MEGF11: variants seen among roughly 807,000 people sequenced by gnomAD.
MEGF11 encodes the protein multiple EGF like domains 11.
In MEGF11, 126 loss-of-function variants were observed where a neutral mutation model predicts 146.6. That is an observed-to-expected ratio of 0.86 (90% confidence interval 0.74 to 1.00). The LOEUF (loss-of-function observed/expected upper bound fraction) is 1.00. MEGF11 is among the 50% of genes least tolerant of loss of function. The pLI, the probability that MEGF11 is intolerant of heterozygous loss-of-function variation, is 0.00. For synonymous variants in MEGF11, 532 were observed against 583.4 expected (o/e 0.91, Z 1.27); for missense variants, 1,509 against 1,521.2 (o/e 0.99, Z 0.13).
Position 65,980,804 on chromosome 15 carries a change from C to T in MEGF11, c.736G>A (p.Glu246Lys), listed in dbSNP as rs780630175. Residue 246 changes from glutamate (E) to lysine (K), a missense_variant, in exon 7 of 26, where the codon GAG becomes AAG. Glu to Lys is a moderately conservative substitution (Grantham distance 56). Coordinates refer to ENST00000395614, the MANE Select transcript of MEGF11 (RefSeq NM_001385028.1). ...NGGTCHHITG[E>K]CACPPGWTGA... The stretch of plus-strand genomic sequence containing the variant: ...GTCCAGCCTGGGGGGCAGGCACACT[C>T]GCCAGTGATGTGGTGGCAGGTGCCC... 3.4e-5 allele frequency: 55 copies of T among 1,607,250 alleles called. No individual in the cohort carries two copies. Among genetic ancestry groups the T allele is most frequent in the Admixed American group, 3.2e-4 (19 of 59,204 alleles).
chr15:66,008,439 A>ACACG (rs1567199797), intron 5 of MEGF11, among the ~76,000 whole-genome samples: 2 of 149,398 alleles, frequency 1.3e-5, no homozygotes, highest in African/African-American at 4.9e-5. Flanking sequence ...ACACACACAC[A>ACACG]CACACACACA....
In MEGF11 at chr15:66,170,882, G is replaced by A. The variant is rs55893891; in HGVS notation, c.-8-42471C>T. On this transcript the variant is annotated intron_variant, in intron 1 of 25. Transcript: ENST00000395614. ...CAGGCAGTAACTGCCTAATGCCAGA[G>A]GCTGGCTCACTCCCCACCAGGGCAC... is the stretch of plus-strand genomic sequence containing the variant. 3.1e-3 allele frequency among the ~76,000 whole-genome samples: 473 copies of A among 152,256 alleles called. 3 individuals are homozygous for A. Among genetic ancestry groups the A allele is most frequent in the African/African-American group, 0.011 (456 of 41,552 alleles).
chr15:66,104,995 G>C (rs1053102369), intron 4 of MEGF11, among the ~76,000 whole-genome samples: 1 of 152,026 alleles, frequency 6.6e-6, no homozygotes, highest in African/African-American at 2.4e-5. Context: ...AACCAAAACT[G>C]TCCCATCAGG....
Position 66,198,192 on chromosome 15 carries a change from G to A in MEGF11, c.-9+55413C>T, listed in dbSNP as rs573849555. 1.7e-3 allele frequency among the ~76,000 whole-genome samples: 263 copies of A among 152,340 alleles called. 1 individual carries two copies. The highest frequency in any genetic ancestry group is 5.9e-3 in the African/African-American group (247 of 41,578). Reference sequence around the variant, plus strand: ...GTGAACTTGACAGTCTCAAATAAAAGCAGAGAAAAATGGTCCCTTAACATA... The same window carrying A: ...GTGAACTTGACAGTCTCAAATAAAAACAGAGAAAAATGGTCCCTTAACATA... On this transcript the variant is annotated intron_variant, in intron 1 of 25. Coordinates refer to ENST00000395614, the MANE Select transcript of MEGF11 (RefSeq NM_001385028.1).
At chr15:66,227,032 C>T (rs1480531944) in intron 1 of MEGF11, among the ~76,000 whole-genome samples, 2 of 152,148 alleles carry the variant, frequency 1.3e-5, no homozygotes, top group Admixed American at 6.5e-5. Flanking sequence ...TGGTGTGAGG[C>T]GTGGAAACAG....
intron 5 of MEGF11, among the ~76,000 whole-genome samples, chr15:66,060,679 G>T (rs373133007): frequency 3.5e-4 from 54 of 152,362 alleles, no homozygotes; most frequent in South Asian, 3.5e-3. Context: ...GGTTAACCTG[G>T]TGTGTCTGTC....
At chr15:66,130,432 C>T (rs920465137) in intron 1 of MEGF11, among the ~76,000 whole-genome samples, 1 of 152,104 alleles carries the variant, frequency 6.6e-6, no homozygotes, top group African/African-American at 2.4e-5. Context: ...CCGAGAGAAC[C>T]TCCTGACAGC....
chr15:66,140,456 C>A lies in MEGF11; in HGVS notation c.-8-12045G>T, dbSNP rs529930082. Among the ~76,000 whole-genome samples the A allele has an allele frequency of 6.4e-4, 98 of 152,312 alleles. No homozygotes were observed. The Middle Eastern group carries it at 0.014, about 21-fold the overall frequency. ...CAGCTTCTCTCAGTTGCTTTCTGTT[C>A]CCTCCTCAGGCAGGCCTGGGCCCAT... is the stretch of plus-strand genomic sequence containing the variant. On this transcript the variant is annotated intron_variant, in intron 1 of 25. Transcript: ENST00000395614.
intron 2 of MEGF11, 132 bp from the exon 3 acceptor site, chr15:66,124,132 C>A (rs12912920): frequency 8.6e-6 from 6 of 695,232 alleles, no homozygotes; most frequent in Admixed American, 2.2e-5. Flanking sequence ...TGACCTCCCC[C>A]CTCCCAACTA....
At chr15:66,028,124 T>C (rs199592611) in intron 5 of MEGF11, among the ~76,000 whole-genome samples, 4 of 144,578 alleles carry the variant, frequency 2.8e-5, no homozygotes, top group Admixed American at 2.7e-4. Flanking sequence ...TACCCAGTCT[T>C]ACTGTACCCA....
intron 5 of MEGF11, among the ~76,000 whole-genome samples, chr15:66,064,903 A>C (rs2085057079): frequency 6.6e-6 from 1 of 152,114 alleles, no homozygotes. Flanking sequence ...AGATTCCTCC[A>C]TCAGGCTGGG....
At chr15:65,933,375 C>T (rs11635501) in intron 10 of MEGF11, among the ~76,000 whole-genome samples, 9,449 of 152,284 alleles carry the variant, frequency 0.062, 420 homozygotes, top group Non-Finnish European at 0.093. Flanking sequence ...CTCCCAGTGT[C>T]CTCATTAGTG....
intron 10 of MEGF11, among the ~76,000 whole-genome samples, chr15:65,942,233 A>G (rs2080020102): frequency 6.6e-6 from 1 of 152,168 alleles, no homozygotes; most frequent in Admixed American, 6.5e-5. Context: ...TCCTGAGCCC[A>G]TGCAACGTGC....
rs563655584 is a variant in MEGF11, at chr15:66,211,334, T to C, written c.-9+42271A>G. ...GTCAGGAGATCGAGACCATCTTGGCTAACACGGTGAAACCCCGTCTCTACT... is the reference window on the plus strand; with the variant it reads ...GTCAGGAGATCGAGACCATCTTGGCCAACACGGTGAAACCCCGTCTCTACT... On this transcript the variant is annotated intron_variant, in intron 1 of 25. Coordinates refer to ENST00000395614, the MANE Select transcript of MEGF11 (RefSeq NM_001385028.1). Among the ~76,000 whole-genome samples, 35 of 152,110 alleles carry C rather than the reference T, an allele frequency of 2.3e-4. No homozygotes were observed. The South Asian group carries it at 3.3e-3, about 14-fold the overall frequency.
chr15:66,145,730 T>C (rs2089347376), intron 1 of MEGF11, among the ~76,000 whole-genome samples: 1 of 152,186 alleles, frequency 6.6e-6, no homozygotes, highest in Non-Finnish European at 1.5e-5. Context: ...TGGCTCCATG[T>C]TGTGGTTAAG....
rs188847818 is a variant in MEGF11 at position 65,998,560 on chromosome 15, G to T, written c.395-16072C>A. Among the ~76,000 whole-genome samples the T allele has an allele frequency of 2.3e-3, 348 of 152,242 alleles. 2 individuals are homozygous for T. The highest frequency in any genetic ancestry group is 0.013 in the South Asian group (64 of 4,806). ...TCCCCTCATTGTTATTTATGTCTCT[G>T]GGTGCCAAGCAATGATTCCTGAAAT... On this transcript the variant is annotated intron_variant, in intron 5 of 25. Coordinates refer to ENST00000395614, the MANE Select transcript of MEGF11 (RefSeq NM_001385028.1).
intron 21 of MEGF11, 169 bp from the exon 22 acceptor site, chr15:65,909,975 G>A: frequency 1.4e-6 from 1 of 705,838 alleles, no homozygotes; most frequent in Non-Finnish European, 2.6e-6. Context: ...GGCCACCATG[G>A]TGTGGTTGAT....
At chr15:66,091,498 G>A (rs2140651212) in intron 5 of MEGF11, among the ~76,000 whole-genome samples, 1 of 152,310 alleles carries the variant, frequency 6.6e-6, no homozygotes, top group African/African-American at 2.4e-5. Flanking sequence ...ATAATTAAGA[G>A]TTCAGGTTCA....
In MEGF11 at chr15:66,221,413, C is replaced by T. The variant is rs192774907; in HGVS notation, c.-9+32192G>A. Reference sequence around the variant, plus strand: ...TAGCCTGCAAGCATCCCTCCTTCCACTGACAGCTGCTTCTACCCTCCATTG... The same window carrying T: ...TAGCCTGCAAGCATCCCTCCTTCCATTGACAGCTGCTTCTACCCTCCATTG... On this transcript the variant is annotated intron_variant, in intron 1 of 25. Coordinates refer to ENST00000395614, the MANE Select transcript of MEGF11 (RefSeq NM_001385028.1). Among the ~76,000 whole-genome samples, 49 of 152,208 alleles carry T rather than the reference C, an allele frequency of 3.2e-4. No individual in the cohort carries two copies. The East Asian group carries it at 7.1e-3, about 22-fold the overall frequency.
Sources: gnomAD v4.1 joint callset for allele counts (sites outside exome capture counted in the v4.1 genomes callset) on GRCh38, gnomAD v4.1.1 for gene constraint, MANE v1.5 for transcripts, NCBI Gene and HGNC (gene_info 2026-07-23, HGNC 2026-07-21) for gene names.